CPNE8: variants seen among roughly 807,000 people sequenced by gnomAD.
CPNE8 encodes the protein copine-8.
Under a neutral mutation model 81.5 loss-of-function variants are expected in CPNE8, and 45 were observed. The ratio of observed to expected loss-of-function variants is 0.55; its 90% CI spans 0.44 to 0.71. CPNE8 has a LOEUF of 0.71. Ranked by LOEUF, CPNE8 falls within the 30% of genes least tolerant of loss-of-function variation. The pLI is 0.00. For missense variants in CPNE8, 594 were observed against 672.1 expected, an observed-to-expected ratio of 0.88 and a Z score of 1.28; for synonymous variants, 252 against 226.3, an observed-to-expected ratio of 1.11 and a Z score of -1.02.
intron 13 of CPNE8, 53 bp downstream of exon 13, chr12:38,723,719 C>T (rs1309010655): frequency 3.5e-6 from 4 of 1,144,154 alleles, no homozygotes; most frequent in Non-Finnish European, 2.6e-6. Context: ...GCGCTTGTTA[C>T]ACAAATTTTA....
rs80268266 is a variant in CPNE8 at position 38,745,352 on chromosome 12, C to T, written c.723-14994G>A. On this transcript the variant is annotated intron_variant, in intron 10 of 19. Transcript: ENST00000331366. ...CCTGAAATGCAGCATCACATTATAC[C>T]TCTCTCAGGAAACATCCATGCTTTG... Among the ~76,000 whole-genome samples, 1,412 of 152,228 alleles carry T rather than the reference C, an allele frequency of 9.3e-3. 28 individuals are homozygous for T. The highest frequency in any genetic ancestry group is 0.031 in the African/African-American group (1,302 of 41,534).
chr12:38,756,829 C>A (rs1233519395), intron 10 of CPNE8, among the ~76,000 whole-genome samples: 1 of 152,176 alleles, frequency 6.6e-6, no homozygotes, highest in Non-Finnish European at 1.5e-5. Context: ...TAGCCACATG[C>A]TGCTGTAACT....
Position 38,894,937 on chromosome 12 carries a change from A to G in CPNE8, c.98+10500T>C, listed in dbSNP as rs1220513839. On this transcript the variant is annotated intron_variant, in intron 1 of 19. Transcript: ENST00000331366. ...TCTGCAGACAGTGAGAAACAATTAC[A>G]TTTCTCAAAATGATTATAAAACCAC... Among the ~76,000 whole-genome samples, 5 of 152,154 alleles carry G rather than the reference A, an allele frequency of 3.3e-5. No individual in the cohort carries two copies. The South Asian group carries it at 1.0e-3, about 32-fold the overall frequency.
chr12:38,692,925 T>G (rs1027305625), intron 15 of CPNE8, among the ~76,000 whole-genome samples: 10 of 152,162 alleles, frequency 6.6e-5, no homozygotes, highest in African/African-American at 2.4e-4. Context: ...TCCTTGGAGT[T>G]TCTGTCCTAG....
At chr12:38,801,725 G>C (rs1165340843) in intron 6 of CPNE8, among the ~76,000 whole-genome samples, 2 of 69,168 alleles carry the variant, frequency 2.9e-5, no homozygotes, top group African/African-American at 1.1e-4. Flanking sequence ...GTTGGATAAA[G>C]AGTCAAGACC....
At chr12:38,886,696 G>A (rs1341790658) in intron 1 of CPNE8, among the ~76,000 whole-genome samples, 6 of 152,164 alleles carry the variant, frequency 3.9e-5, no homozygotes, top group Admixed American at 6.5e-5. Context: ...GAAATTAAAA[G>A]GGGCCAAAGA....
In CPNE8 at chr12:38,753,268, A is replaced by G. The variant is rs1311243568; in HGVS notation, c.722+7579T>C. On this transcript the variant is annotated intron_variant, in intron 10 of 19. Coordinates refer to ENST00000331366, the MANE Select transcript of CPNE8 (RefSeq NM_153634.3). ...GGAGTTTGAGACAAGCCTGGTCAACATGGTGAAACCCCGTCTCTAATAAAA... is the reference window on the plus strand; with the variant it reads ...GGAGTTTGAGACAAGCCTGGTCAACGTGGTGAAACCCCGTCTCTAATAAAA... 3.9e-5 allele frequency among the ~76,000 whole-genome samples: 6 copies of G among 152,096 alleles called. No homozygotes were observed. In the South Asian group the frequency reaches 1.2e-3, roughly 32 times the overall value.
chr12:38,829,275 TA>T (rs1943247626), intron 6 of CPNE8, 103 bp downstream of exon 6: 1 of 696,836 alleles, frequency 1.4e-6, no homozygotes, highest in South Asian at 2.1e-5. Flanking sequence ...AACAAGATTT[TA>T]AAACCCACTT....
At chr12:38,833,338 T>G (rs1943321678) in intron 5 of CPNE8, among the ~76,000 whole-genome samples, 2 of 121,030 alleles carry the variant, frequency 1.7e-5, no homozygotes, top group African/African-American at 3.3e-5. Flanking sequence ...GGCGACAGAG[T>G]GAGACCTTAT....
intron 6 of CPNE8, among the ~76,000 whole-genome samples, chr12:38,808,540 G>C (rs1942869109): frequency 6.9e-6 from 1 of 145,794 alleles, no homozygotes; most frequent in East Asian, 2.1e-4. Flanking sequence ...ACTCATAGTT[G>C]GGAATTGAAC....
intron 15 of CPNE8, among the ~76,000 whole-genome samples, chr12:38,686,966 A>C (rs549240364): frequency 2.4e-4 from 37 of 152,334 alleles, no homozygotes; most frequent in African/African-American, 8.9e-4. Flanking sequence ...CACTTGAGAA[A>C]AAGAAGATAG....
chr12:38,825,752 T>C (rs1235105741), intron 6 of CPNE8, among the ~76,000 whole-genome samples: 3 of 152,246 alleles, frequency 2.0e-5, no homozygotes, highest in Non-Finnish European at 2.9e-5. Flanking sequence ...GTCTTTTCTA[T>C]GTAAGACGAA....
chr12:38,851,922 C>T (rs1440885109), intron 3 of CPNE8, among the ~76,000 whole-genome samples: 1 of 152,138 alleles, frequency 6.6e-6, no homozygotes, highest in Non-Finnish European at 1.5e-5. Context: ...CCTTTCTTAC[C>T]TCATGGCCTT....
At chr12:38,806,789 A>G (rs1178362884) in intron 6 of CPNE8, among the ~76,000 whole-genome samples, 5 of 148,900 alleles carry the variant, frequency 3.4e-5, no homozygotes, top group East Asian at 2.3e-4. Flanking sequence ...AGGGTATTCA[A>G]TTAGGAAAAG....
In CPNE8 at chr12:38,878,962, C is replaced by T. The variant is rs76832298; in HGVS notation, c.99-4451G>A. 6.1e-3 allele frequency among the ~76,000 whole-genome samples: 936 copies of T among 152,260 alleles called. 15 individuals are homozygous for T. Among genetic ancestry groups the T allele is most frequent in the African/African-American group, 0.021 (874 of 41,542 alleles). ...GGGAGAAAGAACAGTAATCTAAAAA[C>T]TGTCAAATTGATTCAGCTACGACAA... On this transcript the variant is annotated intron_variant, in intron 1 of 19. Coordinates refer to ENST00000331366, the MANE Select transcript of CPNE8 (RefSeq NM_153634.3).
At chr12:38,809,743 C>A (rs1422076421) in intron 6 of CPNE8, among the ~76,000 whole-genome samples, 1 of 152,080 alleles carries the variant, frequency 6.6e-6, no homozygotes, top group African/African-American at 2.4e-5. Flanking sequence ...TTTAATGTTC[C>A]AAATCTCATC....
chr12:38,770,784 C>G (rs962891986), intron 7 of CPNE8, among the ~76,000 whole-genome samples: 3 of 152,124 alleles, frequency 2.0e-5, no homozygotes, highest in African/African-American at 7.2e-5. Context: ...TATCCTTGGG[C>G]TGGCAAACAC....
chr12:38,799,498 C>T (rs908113977), intron 6 of CPNE8, among the ~76,000 whole-genome samples: 21 of 152,214 alleles, frequency 1.4e-4, no homozygotes, highest in East Asian at 7.7e-4. Context: ...TTTAAACCAA[C>T]GAGAACAAAG....
intron 11 of CPNE8, among the ~76,000 whole-genome samples, chr12:38,727,906 T>C (rs1438964482): frequency 1.3e-5 from 2 of 152,208 alleles, no homozygotes; most frequent in Non-Finnish European, 1.5e-5. Context: ...AAGTGAAAGC[T>C]AAGGCAGGAC....
Sources: gnomAD v4.1 joint callset for allele counts (sites outside exome capture counted in the v4.1 genomes callset) on GRCh38, gnomAD v4.1.1 for gene constraint, MANE v1.5 for transcripts, NCBI Gene and HGNC (gene_info 2026-07-23, HGNC 2026-07-21) for gene names.